Variants in MIDEAS observed in about 807,000 individuals in gnomAD.
The protein encoded by MIDEAS is mitotic deacetylase-associated SANT domain protein.
A neutral mutation model predicts 102.7 loss-of-function variants in MIDEAS; 26 were observed. The ratio of observed to expected loss-of-function variants is 0.25; its 90% CI spans 0.19 to 0.35. MIDEAS has a LOEUF of 0.35. MIDEAS is among the 10% of genes least tolerant of loss of function. The pLI is 1.00. For synonymous variants in MIDEAS, 585 were observed against 591.0 expected (o/e 0.99, Z 0.15); for missense variants, 1,231 against 1,435.6 (o/e 0.86, Z 2.30).
Position 73,719,328 on chromosome 14 carries a change from A to G in MIDEAS, c.3111T>C (p.Thr1037=). 6.2e-7 allele frequency: 1 copy of G among 1,613,508 alleles called. No individual in the cohort carries two copies. Among genetic ancestry groups the G allele is most frequent in the Non-Finnish European group, 8.5e-7 (1 of 1,179,894 alleles). ...TFSKTQNQEN[T]FPCKKCGRVF... is the part of the protein sequence containing the mutation. ...ACCTGCCACATTTTTTACAGGGGAA[A>G]GTGTTCTCCTGATTCTGGGTCTTAC... The change falls in exon 12 of 13, where the codon ACT becomes ACC. Residue 1037 remains threonine (T), a synonymous_variant. Coordinates refer to ENST00000423556, the MANE Select transcript of MIDEAS (RefSeq NM_001367710.1).
At chr14:73,772,298 A>G (rs1595297560) in intron 1 of MIDEAS, among the ~76,000 whole-genome samples, 1 of 152,268 alleles carries the variant, frequency 6.6e-6, no homozygotes, top group African/African-American at 2.4e-5. Flanking sequence ...AAAAGATGTT[A>G]TATAAATTAT....
At chr14:73,755,056 T>A (rs2053463217) in intron 1 of MIDEAS, 1 of 152,248 alleles carries the variant, frequency 6.6e-6, no homozygotes, top group South Asian at 2.1e-4. Context: ...CCCACTCTCC[T>A]TCCTTCCCAG....
At chr14:73,722,627 G>GGGCTCC in intron 10 of MIDEAS, 71 bp downstream of exon 10, 1 of 1,562,380 alleles carries the variant, frequency 6.4e-7, no homozygotes, top group African/African-American at 1.4e-5. Flanking sequence ...GCTCGGGCTC[G>GGGCTCC]GGCTCCCAGC....
chr14:73,769,852 G>A (rs1048326561), intron 1 of MIDEAS, among the ~76,000 whole-genome samples: 8 of 150,996 alleles, frequency 5.3e-5, no homozygotes, highest in Non-Finnish European at 1.0e-4. Context: ...TGCCCGCCTC[G>A]GCCTCCCAAA....
chr14:73,718,959 C>T lies in MIDEAS; in HGVS notation c.3184G>A (p.Glu1062Lys). ...AGCGCTGCAGCCTTCTTCTCCTGCT[C>T]TGCGTGGCTCTTCATATGCGCACTG... ...SRSAHMKSHA[E>K]QEKKAAALRL... The change falls in exon 13 of 13, where the codon GAG (glutamate) becomes AAG (lysine). Residue 1062 changes from glutamate (E) to lysine (K), a missense_variant. Glu to Lys is a moderately conservative substitution (Grantham distance 56). This residue lies in a region of MIDEAS where 71 missense variants were observed against 51.9 expected (regional missense o/e 1.37). Coordinates refer to ENST00000423556, the MANE Select transcript of MIDEAS (RefSeq NM_001367710.1). 2.0e-6 allele frequency: 3 copies of T among 1,520,132 alleles called. No homozygotes were observed. Among genetic ancestry groups the T allele is most frequent in the Non-Finnish European group, 2.6e-6 (3 of 1,141,552 alleles). 94.2% of individuals were successfully genotyped at this position (1,520,132 alleles called of 1,614,324 possible).
intron 9 of MIDEAS, 73 bp from the exon 10 acceptor site, chr14:73,722,920 T>C: frequency 1.3e-6 from 2 of 1,551,784 alleles, no homozygotes; most frequent in Non-Finnish European, 1.8e-6. Flanking sequence ...CCAGCCTTTC[T>C]CGTCCCTGCA....
Position 73,721,286 on chromosome 14 carries a change from G to A in MIDEAS, c.2937+11C>T. The A allele has an allele frequency of 1.2e-6, 2 of 1,610,972 alleles. No homozygotes were observed. The highest frequency in any genetic ancestry group is 1.7e-6 in the Non-Finnish European group (2 of 1,179,794). ...CTTGCCCTGGGCTCAGCCCATGGTG[G>A]TCACACTCACCGACTCATTGGCCTG... On this transcript the variant is annotated intron_variant, in intron 11 of 12. Coordinates refer to ENST00000423556, the MANE Select transcript of MIDEAS (RefSeq NM_001367710.1).
In MIDEAS at chr14:73,768,511, C is replaced by CT. The variant is rs59819061; in HGVS notation, c.-248+18590dup. Among the ~76,000 whole-genome samples the CT allele has an allele frequency of 4.0e-3, 560 of 138,336 alleles. 3 individuals carry two copies. Among genetic ancestry groups the CT allele is most frequent in the Middle Eastern group, 7.4e-3 (2 of 270 alleles). 90.8% of individuals were successfully genotyped at this position (138,336 alleles called of 152,430 possible). Reference sequence around the variant, plus strand: ...TTATTTTAACTGAATTTATTGCCAACTTTTTTTTTTTTTTTTTTTTTTGAG... The same window carrying CT: ...TTATTTTAACTGAATTTATTGCCAACTTTTTTTTTTTTTTTTTTTTTTTGAG... On this transcript the variant is annotated intron_variant, in intron 1 of 11. Coordinates refer to the MIDEAS transcript ENST00000394071.
chr14:73,786,226 A>G (rs1190766393), intron 1 of MIDEAS, among the ~76,000 whole-genome samples: 1 of 152,220 alleles, frequency 6.6e-6, no homozygotes, highest in Non-Finnish European at 1.5e-5. Context: ...GTTACTCTGC[A>G]GGAATGTCCC....
At chr14:73,747,657 C>T (rs1298622484) in intron 1 of MIDEAS, among the ~76,000 whole-genome samples, 2 of 149,522 alleles carry the variant, frequency 1.3e-5, no homozygotes, top group African/African-American at 4.9e-5. Context: ...GCAATAAAAC[C>T]CACCCTGAGA....
intron 7 of MIDEAS, 33 bp from the exon 8 acceptor site, chr14:73,726,141 T>C (rs1338886913): frequency 6.5e-6 from 10 of 1,529,448 alleles, no homozygotes; most frequent in Non-Finnish European, 8.9e-6. Context: ...GTCAGGGCAC[T>C]GACAGGGGTG....
chr14:73,768,206 A>C (rs1244154844), intron 1 of MIDEAS, among the ~76,000 whole-genome samples: 1 of 152,148 alleles, frequency 6.6e-6, no homozygotes, highest in Non-Finnish European at 1.5e-5. Flanking sequence ...TTGAGATGAT[A>C]TGAGCCTACT....
chr14:73,766,951 G>C (rs1480918691), intron 1 of MIDEAS, among the ~76,000 whole-genome samples: 2 of 151,456 alleles, frequency 1.3e-5, no homozygotes, highest in East Asian at 3.9e-4. Flanking sequence ...CGACTTCTGG[G>C]TTCAAGTGAT....
chr14:73,780,111 T>A (rs1481408720), intron 1 of MIDEAS, among the ~76,000 whole-genome samples: 1 of 150,884 alleles, frequency 6.6e-6, no homozygotes, highest in African/African-American at 2.4e-5. Flanking sequence ...CCCGACCTCA[T>A]GATCCACCAG....
rs1439440068 is a variant in MIDEAS at position 73,715,330 on chromosome 14, T to C, written c.*3513A>G. On this transcript the variant is annotated 3_prime_UTR_variant, in exon 13 of 13. Transcript: ENST00000423556. ...GGTAATATTTATATATGTACACTAT[T>C]TTAATATGTAACAGTCTTTTTAAAA... 6.6e-6 allele frequency: 1 copy of C among 152,660 alleles called. No homozygotes were observed. The highest frequency in any genetic ancestry group is 2.4e-5 in the African/African-American group (1 of 41,456). 9.5% of individuals were successfully genotyped at this position (152,660 alleles called of 1,614,324 possible).
At chr14:73,741,383 G>T (rs1474426657) in intron 1 of MIDEAS, among the ~76,000 whole-genome samples, 1 of 152,078 alleles carries the variant, frequency 6.6e-6, no homozygotes, top group African/African-American at 2.4e-5. Flanking sequence ...CTGGGAAGTT[G>T]GTGGGGGTGG....
At position 73,739,195 on chromosome 14, in the gene MIDEAS, C is replaced by T; in HGVS notation, c.814G>A (p.Glu272Lys). ...TGCTGCGGCATGGAATAGAAGTTCT[C>T]AAAGAGCGGCATCTGGGGTAGGGCT... ...QAALPQMPLFENFYSMPQQPS... is the reference protein window; with the variant it reads ...QAALPQMPLFKNFYSMPQQPS... The change falls in exon 2 of 13, where the codon GAG becomes AAG. Residue 272 changes from glutamate to lysine, a missense_variant. Physicochemically the swap from Glu to Lys is moderately conservative, Grantham distance 56. Transcript: ENST00000423556. The T allele has an allele frequency of 6.2e-7, 1 of 1,613,816 alleles. No individual in the cohort carries two copies. The highest frequency in any genetic ancestry group is 8.5e-7 in the Non-Finnish European group (1 of 1,179,954).
chr14:73,773,244 A>G (rs981979881), intron 1 of MIDEAS, among the ~76,000 whole-genome samples: 1 of 151,730 alleles, frequency 6.6e-6, no homozygotes, highest in African/African-American at 2.4e-5. Context: ...ATCAGGATCT[A>G]CTCTTATAAT....
chr14:73,750,122 C>T (rs1246958661), intron 1 of MIDEAS, among the ~76,000 whole-genome samples: 1 of 152,192 alleles, frequency 6.6e-6, no homozygotes, highest in Non-Finnish European at 1.5e-5. Flanking sequence ...ACGAGTACTT[C>T]GCTGGGCTGG....
Sources: allele counts gnomAD v4.1 joint callset (sites outside exome capture counted in the v4.1 genomes callset), GRCh38; gene constraint gnomAD v4.1.1; regional missense constraint gnomAD v4.1.1; transcripts MANE v1.5; gene names NCBI Gene and HGNC (gene_info 2026-07-23, HGNC 2026-07-21).